The following DMD variants were observed in gnomAD, a reference collection of about 807,000 sequenced individuals.
DMD encodes the protein dystrophin.
Under a neutral mutation model 330.1 loss-of-function variants are expected in DMD, and 63 were observed. The observed-to-expected ratio is 0.19, with a 90% CI of 0.16 to 0.24. The LOEUF (loss-of-function observed/expected upper bound fraction) is 0.24. DMD is among the 10% of genes least tolerant of loss of function. The probability of loss-of-function intolerance (pLI) is 1.00; values close to 1 mark genes in which losing one functional copy is unlikely to be tolerated. For synonymous variants in DMD, 1,223 were observed against 959.8 expected, an observed-to-expected ratio of 1.27 and a Z score of -5.07; for missense variants, 3,344 against 2,684.1, an observed-to-expected ratio of 1.25 and a Z score of -5.43.
At chrX:32,757,599 T>C (rs1360383797) in intron 7 of DMD, among the ~76,000 whole-genome samples, 1 of 110,694 alleles carries the variant, frequency 9.0e-6, no homozygotes, top group African/African-American at 3.3e-5. Context: ...CGAGATCTGA[T>C]GGTTTTATAC....
rs1003404150 is a variant in DMD, at chrX:32,930,385, G to GTAT, written c.94-80568_94-80566dup. Among the ~76,000 whole-genome samples, 27 of 109,382 alleles carry GTAT rather than the reference G, an allele frequency of 2.5e-4. No individual in the cohort carries two copies. In the East Asian group the frequency reaches 2.9e-3, roughly 12 times the overall value. 95.0% of individuals were successfully genotyped at this position (109,382 alleles called of 115,157 possible). The stretch of plus-strand genomic sequence containing the variant: ...AAAAGTAATAAAAATATATGATACG[G>GTAT]TATTATTATTATTATTATTAGGTCT... On this transcript the variant is annotated intron_variant, in intron 2 of 78. Coordinates refer to ENST00000357033, the MANE Select transcript of DMD (RefSeq NM_004006.3).
intron 2 of DMD, among the ~76,000 whole-genome samples, chrX:32,895,480 G>C (rs1348745227): frequency 9.0e-6 from 1 of 111,390 alleles, no homozygotes; most frequent in Non-Finnish European, 1.9e-5. Context: ...TGGGTTTGCG[G>C]GTTACTGTGC....
chrX:31,822,966 C>T (rs751811050), intron 49 of DMD, among the ~76,000 whole-genome samples: 1 of 109,415 alleles, frequency 9.1e-6, no homozygotes, highest in Non-Finnish European at 1.9e-5. Flanking sequence ...TCATTACAGA[C>T]GCCCCTTCCC....
rs866044214 is a variant in DMD at position 32,100,174 on chromosome X, C to G, written c.6438+116742G>C. ...TTTCTAACATTTCAACTTTGAACTA[C>G]CCCATCCCCAGAAGAAACTGCTATT... On this transcript the variant is annotated intron_variant, in intron 44 of 78. Coordinates refer to ENST00000357033, the MANE Select transcript of DMD (RefSeq NM_004006.3). 9.1e-5 allele frequency among the ~76,000 whole-genome samples: 10 copies of G among 110,161 alleles called. No homozygotes were observed. In the Middle Eastern group the frequency reaches 0.019, roughly 206 times the overall value.
chrX:32,692,728 G>T (rs1422489168), intron 9 of DMD, among the ~76,000 whole-genome samples: 2 of 111,855 alleles, frequency 1.8e-5, no homozygotes, highest in Admixed American at 9.5e-5. Context: ...TATACAGGTT[G>T]TGAGTTTGTT....
intron 9 of DMD, among the ~76,000 whole-genome samples, chrX:32,656,557 A>C (rs1274971686): frequency 1.8e-5 from 2 of 112,359 alleles, no homozygotes; most frequent in Non-Finnish European, 3.8e-5. Flanking sequence ...ATGTATCTGT[A>C]AAAGCTTATA....
At chrX:33,325,246 T>A (rs2054072861) in intron 1 of DMD, among the ~76,000 whole-genome samples, 1 of 112,021 alleles carries the variant, frequency 8.9e-6, no homozygotes, top group South Asian at 3.7e-4. Flanking sequence ...AATGATTAAA[T>A]ATACATAGCT....
chrX:32,504,719 G>C (rs761008346), intron 18 of DMD, among the ~76,000 whole-genome samples: 7 of 111,162 alleles, frequency 6.3e-5, no homozygotes, highest in Non-Finnish European at 1.3e-4. Flanking sequence ...GATACACATG[G>C]ATATAAAGAT....
At position 32,380,540 on chromosome X, in the gene DMD, A is replaced by G; in HGVS notation, c.4815T>C (p.Ser1605=). The change falls in exon 34 of 79, where the codon AGT becomes AGC. Residue 1605 remains serine (S), a synonymous_variant. Coordinates refer to ENST00000357033, the MANE Select transcript of DMD (RefSeq NM_004006.3). The part of the protein sequence containing the change: ...TKRSAVEGMP[S]NLDSEVAWGK... ...CCCAGGCAACTTCAGAATCCAAATTACTAGGCATTCCTTCAACTGCTGATC... is the reference window on the plus strand; with the variant it reads ...CCCAGGCAACTTCAGAATCCAAATTGCTAGGCATTCCTTCAACTGCTGATC... 8.3e-7 allele frequency: 1 copy of G among 1,210,917 alleles called. No homozygotes were observed. The highest frequency in any genetic ancestry group is 1.1e-6 in the Non-Finnish European group (1 of 894,995).
At chrX:32,183,035 G>GA (rs774131779) in intron 44 of DMD, among the ~76,000 whole-genome samples, 7 of 110,850 alleles carry the variant, frequency 6.3e-5, no homozygotes, top group African/African-American at 6.5e-5. Context: ...TCATTTTGCA[G>GA]AAAAAAAACA....
intron 67 of DMD, among the ~76,000 whole-genome samples, chrX:31,197,552 C>T (rs1273155134): frequency 1.8e-5 from 2 of 111,414 alleles, no homozygotes; most frequent in Admixed American, 1.9e-4. Flanking sequence ...TTTTGTCATA[C>T]AAATAGAGAA....
intron 1 of DMD, among the ~76,000 whole-genome samples, chrX:33,066,279 G>T (rs1173734490): frequency 9.4e-6 from 1 of 106,393 alleles, no homozygotes; most frequent in Non-Finnish European, 1.9e-5. Context: ...TGATGAAACC[G>T]CGTCTCTACT....
chrX:31,279,797 A>G (rs1569515371), intron 62 of DMD, among the ~76,000 whole-genome samples: 2 of 112,662 alleles, frequency 1.8e-5, no homozygotes. Flanking sequence ...ATGGCTGGCC[A>G]TTGTGTTATA....
At chrX:33,009,179 T>C (rs1453057437) in intron 2 of DMD, among the ~76,000 whole-genome samples, 1 of 46,980 alleles carries the variant, frequency 2.1e-5, no homozygotes, top group African/African-American at 8.3e-5. Context: ...TATGTGTATA[T>C]ATACGTATAT....
At chrX:32,759,734 C>A (rs1037517042) in intron 7 of DMD, among the ~76,000 whole-genome samples, 1 of 109,538 alleles carries the variant, frequency 9.1e-6, no homozygotes, top group African/African-American at 3.3e-5. Context: ...GTTTAAAACT[C>A]CTTTTTTAAA....
intron 2 of DMD, among the ~76,000 whole-genome samples, chrX:32,894,723 G>T (rs2085547195): frequency 8.9e-6 from 1 of 112,113 alleles, no homozygotes; most frequent in Non-Finnish European, 1.9e-5. Context: ...TGCAGTACAG[G>T]GTCATTCTAA....
intron 50 of DMD, among the ~76,000 whole-genome samples, chrX:31,812,070 A>G (rs1403742720): frequency 1.8e-5 from 2 of 110,203 alleles, no homozygotes; most frequent in Non-Finnish European, 1.9e-5. Context: ...TTAAGCCAAC[A>G]AAAGTAGTAT....
intron 2 of DMD, among the ~76,000 whole-genome samples, chrX:33,004,052 C>T (rs58701610): frequency 0.04 from 4,520 of 112,056 alleles, 205 homozygotes; most frequent in African/African-American, 0.14. Flanking sequence ...AAGAGACCAT[C>T]AGAGAAAATC....
intron 77 of DMD, among the ~76,000 whole-genome samples, chrX:31,126,896 A>G (rs1394930520): frequency 9.0e-6 from 1 of 110,918 alleles, no homozygotes; most frequent in Admixed American, 9.6e-5. Flanking sequence ...GTGTAAACAG[A>G]TAACATGATC....
Sources: allele counts gnomAD v4.1 joint callset (sites outside exome capture counted in the v4.1 genomes callset), GRCh38; gene constraint gnomAD v4.1.1; transcripts MANE v1.5; gene names NCBI Gene and HGNC (gene_info 2026-07-23, HGNC 2026-07-21).